Variants in RPL37A observed in about 807,000 individuals in gnomAD.
RPL37A encodes large ribosomal subunit protein eL43.
In RPL37A, 5 loss-of-function variants were observed where a neutral mutation model predicts 13.6. That is an observed-to-expected ratio of 0.37 (90% CI 0.19 to 0.78). The LOEUF (loss-of-function observed/expected upper bound fraction) is 0.78, where lower values mean the gene tolerates loss of function less well. RPL37A is among the 30% of genes least tolerant of loss of function. The pLI is 0.49. For synonymous variants in RPL37A, 50 were observed against 44.4 expected (o/e 1.13, Z -0.50); for missense variants, 77 against 120.0 (o/e 0.64, Z 1.67).
chr2:216,499,704 A>G, intron 2 of RPL37A: 1 of 670,482 alleles, frequency 1.5e-6, no homozygotes, highest in Non-Finnish European at 2.7e-6. Context: ...ATGTTTCTGC[A>G]CCAACTCCCA....
rs1695635019 is a variant in RPL37A, at chr2:216,503,693, C to G, written c.*2289C>G. On this transcript the variant is annotated 3_prime_UTR_variant, in exon 4 of 4. Coordinates refer to ENST00000491306, the MANE Select transcript of RPL37A (RefSeq NM_000998.5). The stretch of plus-strand genomic sequence containing the variant: ...GCTGGGATTCTGTAAGCCACCTCAC[C>G]CAGCCATGTATTGCTTTTTTATGAC... 6.6e-6 allele frequency: 1 copy of G among 152,224 alleles called. No homozygotes were observed. Among genetic ancestry groups the G allele is most frequent in the Non-Finnish European group, 1.5e-5 (1 of 68,062 alleles). 9.4% of individuals were successfully genotyped at this position (152,224 alleles called of 1,614,324 possible). A position where few individuals can be genotyped will look rare whatever the true frequency, so the allele number is the denominator to read the frequency against.
At chr2:216,499,903 GA>G in intron 2 of RPL37A, 45 bp from the exon 3 acceptor site, 1 of 1,514,624 alleles carries the variant, frequency 6.6e-7, no homozygotes, top group Non-Finnish European at 9.2e-7. Context: ...GCTTGTAAGA[GA>G]AAATACTTAC....
intron 3 of RPL37A, 97 bp downstream of exon 3, chr2:216,500,128 G>T: frequency 1.2e-6 from 1 of 863,272 alleles, no homozygotes; most frequent in Non-Finnish European, 2.0e-6. Flanking sequence ...ACTTTCTCAG[G>T]ACTGAGAGAA....
At chr2:216,499,071 A>G (rs1695551170) in intron 1 of RPL37A, 194 bp downstream of exon 1, 1 of 1,144,364 alleles carries the variant, frequency 8.7e-7, no homozygotes, top group Non-Finnish European at 1.2e-6. Context: ...GGCGCGCTCC[A>G]GCCGGGTTAA....
chr2:216,499,498 G>T (rs1215630104), intron 2 of RPL37A, 100 bp downstream of exon 2: 5 of 1,412,494 alleles, frequency 3.5e-6, no homozygotes, highest in Non-Finnish European at 4.8e-6. Flanking sequence ...GTGCTGGTGG[G>T]CAGTTGGAAT....
At chr2:216,499,910 C>T in intron 2 of RPL37A, 39 bp from the exon 3 acceptor site, 2 of 1,535,006 alleles carry the variant, frequency 1.3e-6, no homozygotes, top group African/African-American at 2.7e-5. Flanking sequence ...AGAGAAAATA[C>T]TTACTTGGTT....
In RPL37A at chr2:216,499,318, T is replaced by C; in HGVS notation, c.52T>C (p.Tyr18His). ...VGIVGKYGTRYGASLRKMVKK... is the reference protein window; with the variant it reads ...VGIVGKYGTRHGASLRKMVKK... ...GATCGTCGGTAAATACGGGACCCGC[T>C]ATGGGGCCTCCCTCCGGAAAATGGT... Residue 18 changes from tyrosine (Y) to histidine (H), a missense_variant, in exon 2 of 4, where the codon TAT becomes CAT. Coordinates refer to ENST00000491306, the MANE Select transcript of RPL37A (RefSeq NM_000998.5). 1 of 1,613,970 alleles carries C rather than the reference T, an allele frequency of 6.2e-7. No homozygotes were observed. Among genetic ancestry groups the C allele is most frequent in the Middle Eastern group, 1.7e-4 (1 of 5,910 alleles).
chr2:216,498,854 T>C lies in RPL37A; in HGVS notation c.-21T>C, dbSNP rs781242814. 7 of 1,614,138 alleles carry C rather than the reference T, an allele frequency of 4.3e-6. No individual in the cohort carries two copies. The South Asian group carries it at 5.5e-5, about 13-fold the overall frequency. ...GCACCGCGTCTCTTCCTTTCTGGGC[T>C]CGGACCTAGGTCGCGGCGACATGGT... is the stretch of plus-strand genomic sequence containing the variant. On this transcript the variant is annotated 5_prime_UTR_variant, in exon 1 of 4. Transcript: ENST00000491306.
At chr2:216,500,056 T>G in intron 3 of RPL37A, 25 bp downstream of exon 3, 1 of 1,585,450 alleles carries the variant, frequency 6.3e-7, no homozygotes, top group Non-Finnish European at 8.7e-7. Flanking sequence ...TTGTGGTATT[T>G]GGAAGTGTGT....
rs1261310302 is a variant in RPL37A at position 216,503,665 on chromosome 2, A to G, written c.*2261A>G. The stretch of plus-strand genomic sequence containing the variant: ...GATAACGTCTGCCTTGGCCTCCCAA[A>G]GTGCTGGGATTCTGTAAGCCACCTC... On this transcript the variant is annotated 3_prime_UTR_variant, in exon 4 of 4. Coordinates refer to ENST00000491306, the MANE Select transcript of RPL37A (RefSeq NM_000998.5). The G allele has an allele frequency of 1.3e-5, 2 of 152,252 alleles. No individual in the cohort carries two copies. Among genetic ancestry groups the G allele is most frequent in the African/African-American group, 4.8e-5 (2 of 41,458 alleles). 9.4% of individuals were successfully genotyped at this position (152,252 alleles called of 1,614,324 possible). A position where few individuals can be genotyped will look rare whatever the true frequency, so the allele number is the denominator to read the frequency against.
intron 2 of RPL37A, 26 bp downstream of exon 2, chr2:216,499,424 G>A (rs1451887750): frequency 9.3e-6 from 15 of 1,611,838 alleles, no homozygotes; most frequent in Non-Finnish European, 1.3e-5. Context: ...TCTCTGGTGA[G>A]AGGAGAGGGA....
Position 216,502,220 on chromosome 2 carries a change from T to C in RPL37A, c.*816T>C, listed in dbSNP as rs1695610085. 6.6e-6 allele frequency: 1 copy of C among 152,206 alleles called. No homozygotes were observed. The highest frequency in any genetic ancestry group is 1.9e-4 in the East Asian group (1 of 5,130). 9.4% of individuals were successfully genotyped at this position (152,206 alleles called of 1,614,324 possible). ...CACATGCCTGTAATCCCAGCTACTT[T>C]GGAGGCTCAGGCACAAGAATCACTT... On this transcript the variant is annotated 3_prime_UTR_variant, in exon 4 of 4. Transcript: ENST00000491306.
intron 3 of RPL37A, 140 bp downstream of exon 3, chr2:216,500,171 G>C (rs531220365): frequency 3.5e-5 from 23 of 663,770 alleles, no homozygotes. Flanking sequence ...GGATTCTTCC[G>C]TGGTGGTTTA....
chr2:216,499,662 G>T (rs1274219346), intron 2 of RPL37A: 4 of 630,162 alleles, frequency 6.3e-6, no homozygotes, highest in Admixed American at 2.5e-5. Flanking sequence ...AACCTGCTTT[G>T]TGGGAAATGA....
chr2:216,501,010 A>G (rs1055740396), intron 3 of RPL37A: 3 of 204,662 alleles, frequency 1.5e-5, no homozygotes, highest in African/African-American at 7.0e-5. Context: ...GCTTGTCCAC[A>G]ACTGAGTTAC....
Position 216,503,282 on chromosome 2 carries a change from C to A in RPL37A, c.*1878C>A, listed in dbSNP as rs930771871. ...CTCTGCTTCAGTTTCCTGTATAATT[C>A]TTGGTAGTAGAATGGAGTATATGCT... On this transcript the variant is annotated 3_prime_UTR_variant, in exon 4 of 4. Coordinates refer to ENST00000491306, the MANE Select transcript of RPL37A (RefSeq NM_000998.5). 2.0e-5 allele frequency: 3 copies of A among 152,154 alleles called. No individual in the cohort carries two copies. The highest frequency in any genetic ancestry group is 7.2e-5 in the African/African-American group (3 of 41,428). 9.4% of individuals were successfully genotyped at this position (152,154 alleles called of 1,614,324 possible). A position where few individuals can be genotyped will look rare whatever the true frequency, so the allele number is the denominator to read the frequency against.
chr2:216,500,153 T>C (rs1695575281), intron 3 of RPL37A, 122 bp downstream of exon 3: 1 of 720,776 alleles, frequency 1.4e-6, no homozygotes, highest in Non-Finnish European at 2.5e-6. Flanking sequence ...GATGCCTTTG[T>C]ATTTTCAGGA....
In RPL37A at chr2:216,499,933, T is replaced by C. The variant is rs1559144963; in HGVS notation, c.133-16T>C. 1 of 1,606,878 alleles carries C rather than the reference T, an allele frequency of 6.2e-7. No homozygotes were observed. On this transcript the variant is annotated splice_polypyrimidine_tract_variant and intron_variant, in intron 2 of 3. Transcript: ENST00000491306. The stretch of plus-strand genomic sequence containing the variant: ...TACTTACTTGGTTCATAGTGAAAAT[T>C]GGTTCTCTTTTATAGACCAAGATGA...
rs1695625873 is a variant in RPL37A at position 216,503,054 on chromosome 2, A to ATTTTCAGGC, written c.*1653_*1661dup. ...GTAGGACCAGGAGTGACAAGTCAGG[A>ATTTTCAGGC]TTTTCAGGCTTCATAGGAATGACAC... is the stretch of plus-strand genomic sequence containing the variant. On this transcript the variant is annotated 3_prime_UTR_variant, in exon 4 of 4. Coordinates refer to ENST00000491306, the MANE Select transcript of RPL37A (RefSeq NM_000998.5). The ATTTTCAGGC allele has an allele frequency of 6.6e-6, 1 of 152,146 alleles. No homozygotes were observed. The highest frequency in any genetic ancestry group is 1.5e-5 in the Non-Finnish European group (1 of 68,022). The allele number at this position is 152,146 out of a possible 1,614,324, so 9.4% of individuals were successfully genotyped here. A position where few individuals can be genotyped will look rare whatever the true frequency, so the allele number is the denominator to read the frequency against.
Sources: gnomAD v4.1 joint callset for allele counts on GRCh38, gnomAD v4.1.1 for gene constraint, MANE v1.5 for transcripts, NCBI Gene and HGNC (gene_info 2026-07-23, HGNC 2026-07-21) for gene names.